Variants in TRPM3 observed in about 807,000 individuals in gnomAD.
TRPM3 encodes transient receptor potential cation channel subfamily M member 3.
A neutral mutation model predicts 181.2 loss-of-function variants in TRPM3; 77 were observed. That is an observed-to-expected ratio of 0.42 (90% confidence interval 0.35 to 0.51). TRPM3 has a LOEUF of 0.51. TRPM3 is among the 20% of genes least tolerant of loss of function. The probability of loss-of-function intolerance (pLI) is 0.01; values close to 1 mark genes in which losing one functional copy is unlikely to be tolerated. For synonymous variants in TRPM3, 745 were observed against 796.4 expected (o/e 0.94, Z 1.09); for missense variants, 1,759 against 2,196.7 (o/e 0.80, Z 3.98).
intron 7 of TRPM3, among the ~76,000 whole-genome samples, chr9:70,771,023 G>A (rs139375507): frequency 2.7e-3 from 413 of 152,188 alleles, no homozygotes; most frequent in African/African-American, 9.2e-3. Context: ...GTATCAGTGC[G>A]GACAGCTCAT....
chr9:71,211,478 C>A (rs372465837), intron 1 of TRPM3, among the ~76,000 whole-genome samples: 2 of 151,654 alleles, frequency 1.3e-5, no homozygotes, highest in Admixed American at 6.6e-5. Context: ...GGCTGTGTAA[C>A]AAAATGCCAC....
At chr9:70,806,331 A>G (rs2090669688) in intron 6 of TRPM3, among the ~76,000 whole-genome samples, 1 of 152,198 alleles carries the variant, frequency 6.6e-6, no homozygotes, top group Non-Finnish European at 1.5e-5. Context: ...TTAGGGCATA[A>G]AATCTCTGTT....
At chr9:70,595,473 A>G (rs1387428964) in intron 21 of TRPM3, among the ~76,000 whole-genome samples, 2 of 152,182 alleles carry the variant, frequency 1.3e-5, no homozygotes, top group African/African-American at 4.8e-5. Context: ...TAAATATCCT[A>G]TGATACACAG....
rs2084949316 is a variant in TRPM3, at chr9:70,789,931, G to A, written c.974-5652C>T. On this transcript the variant is annotated intron_variant, in intron 6 of 25. Transcript: ENST00000677713. ...CTAAACTGCCATAAGAAAAGACTGG[G>A]AGAGGCATTGTGAGGGAGAGAGGTG... 2.6e-5 allele frequency among the ~76,000 whole-genome samples: 4 copies of A among 152,304 alleles called. No individual in the cohort carries two copies. The South Asian group carries it at 8.3e-4, about 32-fold the overall frequency.
intron 9 of TRPM3, among the ~76,000 whole-genome samples, chr9:70,672,367 C>T (rs2063135192): frequency 6.6e-6 from 1 of 152,132 alleles, no homozygotes; most frequent in African/African-American, 2.4e-5. Flanking sequence ...TGGTACTGCT[C>T]ATGATCACTC....
intron 25 of TRPM3, among the ~76,000 whole-genome samples, chr9:70,539,779 A>G (rs2131625675): frequency 6.6e-6 from 1 of 152,238 alleles, no homozygotes; most frequent in South Asian, 2.1e-4. Flanking sequence ...TAGCCTATGG[A>G]GTTTGATTTT....
At chr9:71,041,024 G>A (rs1195430154) in intron 1 of TRPM3, among the ~76,000 whole-genome samples, 2 of 152,146 alleles carry the variant, frequency 1.3e-5, no homozygotes, top group Non-Finnish European at 2.9e-5. Context: ...GACATTTTGG[G>A]ATGATGGCAA....
At chr9:70,850,172 G>C (rs1038283288) in intron 3 of TRPM3, among the ~76,000 whole-genome samples, 1 of 152,128 alleles carries the variant, frequency 6.6e-6, no homozygotes, top group Non-Finnish European at 1.5e-5. Context: ...AATTTGACTA[G>C]AGTTTACAAT....
chr9:70,873,133 A>G (rs1299028937), intron 1 of TRPM3, among the ~76,000 whole-genome samples: 2 of 152,028 alleles, frequency 1.3e-5, no homozygotes, highest in Non-Finnish European at 2.9e-5. Context: ...AATCACGATG[A>G]TGTCACAAAA....
intron 1 of TRPM3, among the ~76,000 whole-genome samples, chr9:70,987,810 T>C (rs1444328852): frequency 6.6e-6 from 1 of 152,110 alleles, no homozygotes; most frequent in Non-Finnish European, 1.5e-5. Context: ...TGTAACACTG[T>C]ATTAAAGTAT....
chr9:70,779,632 G>A (rs1280146281), intron 7 of TRPM3, among the ~76,000 whole-genome samples: 3 of 152,118 alleles, frequency 2.0e-5, no homozygotes, highest in East Asian at 3.9e-4. Flanking sequence ...CCCCAACTAT[G>A]AGTACTACAG....
chr9:70,698,936 A>C (rs2071506242), intron 8 of TRPM3, among the ~76,000 whole-genome samples: 1 of 152,160 alleles, frequency 6.6e-6, no homozygotes, highest in South Asian at 2.1e-4. Context: ...TGGAACCATG[A>C]GCCAATTAAA....
intron 18 of TRPM3, among the ~76,000 whole-genome samples, chr9:70,611,309 A>T (rs745698682): frequency 1.3e-5 from 2 of 152,140 alleles, no homozygotes; most frequent in Non-Finnish European, 2.9e-5. Context: ...CTCATCTTGA[A>T]TTGTAATCCC....
intron 1 of TRPM3, among the ~76,000 whole-genome samples, chr9:71,228,852 T>C (rs2080865349): frequency 6.6e-6 from 1 of 152,174 alleles, no homozygotes; most frequent in Non-Finnish European, 1.5e-5. Flanking sequence ...TCCATGTTCA[T>C]GGACTGGAAG....
upstream of TRPM3, chr9:71,121,675 G>A (rs879669781): frequency 8.2e-6 from 9 of 1,103,782 alleles, no homozygotes; most frequent in Non-Finnish European, 9.9e-6. Context: ...GCGTTGGGGG[G>A]GAACCGGGGC....
chr9:70,614,362 T>C (rs1376857873), intron 18 of TRPM3, among the ~76,000 whole-genome samples: 1 of 151,102 alleles, frequency 6.6e-6, no homozygotes, highest in Non-Finnish European at 1.5e-5. Flanking sequence ...TGCACCTGCA[T>C]TCCCAGCTAC....
chr9:71,331,093 T>G (rs1298176618), intron 1 of TRPM3, among the ~76,000 whole-genome samples: 5 of 151,964 alleles, frequency 3.3e-5, no homozygotes, highest in Non-Finnish European at 7.4e-5. Flanking sequence ...TAATTTCATA[T>G]AGTTGATCTT....
intron 1 of TRPM3, among the ~76,000 whole-genome samples, chr9:71,313,021 G>T (rs961506887): frequency 1.3e-5 from 2 of 152,072 alleles, no homozygotes; most frequent in Admixed American, 1.3e-4. Flanking sequence ...ACAACACCAA[G>T]AGTGAACCCT....
chr9:71,239,226 C>T (rs1447953758), intron 1 of TRPM3, among the ~76,000 whole-genome samples: 1 of 152,118 alleles, frequency 6.6e-6, no homozygotes, highest in Non-Finnish European at 1.5e-5. Flanking sequence ...AACAAGTTTA[C>T]TAGTACAATT....
Sources: gnomAD v4.1 joint callset for allele counts (sites outside exome capture counted in the v4.1 genomes callset) on GRCh38, gnomAD v4.1.1 for gene constraint, MANE v1.5 for transcripts, NCBI Gene and HGNC (gene_info 2026-07-23, HGNC 2026-07-21) for gene names.